The following FGD4 variants were observed in gnomAD, a reference collection of about 807,000 sequenced individuals.
The protein encoded by FGD4 is FYVE, RhoGEF and PH domain-containing protein 4.
Under a neutral mutation model 102.0 loss-of-function variants are expected in FGD4, and 42 were observed. The ratio of observed to expected loss-of-function variants is 0.41; its 90% CI spans 0.32 to 0.53. The LOEUF is 0.53. Among genes scored for constraint, FGD4 ranks in the 20% least tolerant of loss-of-function variants. FGD4 has a pLI of 0.21. For missense variants in FGD4, 902 were observed against 1,078.2 expected (o/e 0.84, Z 2.29); for synonymous variants, 380 against 375.7 (o/e 1.01, Z -0.13).
rs190475154 is a variant in FGD4, at chr12:32,444,753, T to C, written c.166+44794T>C. On this transcript the variant is annotated intron_variant, in intron 1 of 16. Transcript: ENST00000534526. Reference sequence around the variant, plus strand: ...TTTTCTCCTTTCAAAAAGTGCTTAATTGTGGCAAGGTGAGACCTGAGGTGA... The same window carrying C: ...TTTTCTCCTTTCAAAAAGTGCTTAACTGTGGCAAGGTGAGACCTGAGGTGA... Among the ~76,000 whole-genome samples the C allele has an allele frequency of 5.3e-5, 8 of 152,276 alleles. No individual in the cohort carries two copies. The East Asian group carries it at 1.5e-3, about 29-fold the overall frequency.
intron 1 of FGD4, chr12:32,534,499 G>T (rs1565812959): frequency 6.8e-7 from 1 of 1,480,196 alleles, no homozygotes; most frequent in East Asian, 2.5e-5. Flanking sequence ...ACTGATCAAG[G>T]TAAGTGGTTT....
intron 1 of FGD4, among the ~76,000 whole-genome samples, chr12:32,460,739 AT>A (rs1336460239): frequency 1.3e-5 from 2 of 152,158 alleles, no homozygotes; most frequent in Non-Finnish European, 2.9e-5. Flanking sequence ...TGATTATATG[AT>A]TTCCTTTGCA....
chr12:32,563,753 C>A (rs1465539110), intron 1 of FGD4, among the ~76,000 whole-genome samples: 1 of 152,208 alleles, frequency 6.6e-6, no homozygotes, highest in Non-Finnish European at 1.5e-5. Flanking sequence ...AATCCCGGCA[C>A]CTCGGGAGGC....
Position 32,568,938 on chromosome 12 carries a change from C to A in FGD4, c.319+4649C>A, listed in dbSNP as rs150946706. Among the ~76,000 whole-genome samples, 254 of 152,174 alleles carry A rather than the reference C, an allele frequency of 1.7e-3. 1 individual carries two copies. Among genetic ancestry groups the A allele is most frequent in the African/African-American group, 5.3e-3 (220 of 41,512 alleles). On this transcript the variant is annotated intron_variant, in intron 2 of 16. Coordinates refer to ENST00000534526, the MANE Select transcript of FGD4 (RefSeq NM_001370298.3). The stretch of plus-strand genomic sequence containing the variant: ...TAATAAAACCCATCTTATTTACAGT[C>A]TGATAGAGATCTCAAATTTAGTGTA...
intron 3 of FGD4, 74 bp from the exon 4 acceptor site, chr12:32,581,886 G>A: frequency 1.3e-6 from 2 of 1,536,968 alleles, no homozygotes; most frequent in Non-Finnish European, 1.8e-6. Context: ...CTTTTCAACT[G>A]GAATAAACTT....
At chr12:32,501,425 G>A (rs1938208914) in intron 1 of FGD4, among the ~76,000 whole-genome samples, 1 of 152,148 alleles carries the variant, frequency 6.6e-6, no homozygotes, top group African/African-American at 2.4e-5. Context: ...ACCAGGGTGT[G>A]GGCAACTGTT....
chr12:32,416,548 C>T (rs1019021279), intron 1 of FGD4, among the ~76,000 whole-genome samples: 5 of 152,104 alleles, frequency 3.3e-5, no homozygotes, highest in African/African-American at 1.2e-4. Flanking sequence ...TAAAACACAA[C>T]AATTAGTATT....
At chr12:32,639,041 G>A in intron 16 of FGD4, 7 of 1,076,254 alleles carry the variant, frequency 6.5e-6, no homozygotes, top group Non-Finnish European at 8.6e-6. Context: ...TTTGAGAAAA[G>A]ATGAGTTGAA....
Position 32,641,803 on chromosome 12 carries a change from G to A in FGD4, c.*1270G>A, listed in dbSNP as rs1250608705. The A allele has an allele frequency of 6.6e-6, 1 of 152,116 alleles. No homozygotes were observed. Among genetic ancestry groups the A allele is most frequent in the East Asian group, 1.9e-4 (1 of 5,202 alleles). The allele number at this position is 152,116 out of a possible 1,614,324, so 9.4% of individuals were successfully genotyped here. A position where few individuals can be genotyped will look rare whatever the true frequency, so the allele number is the denominator to read the frequency against. ...ACATGTGATAACCTATGTTTGGGGT[G>A]GGGGCTGGTCACATGATTCCTTGTC... On this transcript the variant is annotated 3_prime_UTR_variant, in exon 17 of 17. Coordinates refer to ENST00000534526, the MANE Select transcript of FGD4 (RefSeq NM_001370298.3).
At chr12:32,621,589 A>G (rs769609601) in intron 11 of FGD4, among the ~76,000 whole-genome samples, 8 of 152,248 alleles carry the variant, frequency 5.3e-5, no homozygotes, top group Non-Finnish European at 1.0e-4. Context: ...ATCTGTGCCC[A>G]GGGAGTCCAA....
chr12:32,437,552 A>G (rs77526855), intron 1 of FGD4, among the ~76,000 whole-genome samples: 2 of 152,248 alleles, frequency 1.3e-5, no homozygotes, highest in African/African-American at 4.8e-5. Context: ...CTACACGGAT[A>G]TCCGTGGTAT....
At chr12:32,620,527 T>TTC (rs1949758738) in intron 11 of FGD4, among the ~76,000 whole-genome samples, 2 of 135,420 alleles carry the variant, frequency 1.5e-5, no homozygotes, top group African/African-American at 5.7e-5. Context: ...TTTCTTTTTT[T>TTC]TTTTTTTTTT....
rs191743783 is a variant in FGD4 at position 32,415,224 on chromosome 12, A to T, written c.166+15265A>T. On this transcript the variant is annotated intron_variant, in intron 1 of 16. Transcript: ENST00000534526. ...AACATGTCATCTGTCCTTGAGGATG[A>T]TCCATATGCTCAGGAGGATGTTCTG... Among the ~76,000 whole-genome samples the T allele has an allele frequency of 1.3e-3, 203 of 152,206 alleles. 2 individuals are homozygous for T. Among genetic ancestry groups the T allele is most frequent in the African/African-American group, 4.4e-3 (184 of 41,518 alleles).
intron 1 of FGD4, among the ~76,000 whole-genome samples, chr12:32,405,304 GGCTGGAGT>G (rs1364529930): frequency 7.3e-6 from 1 of 136,656 alleles, no homozygotes; most frequent in African/African-American, 2.8e-5. Context: ...CTCTTGTCCA[GGCTGGAGT>G]GCAATGGAGT....
chr12:32,640,487 C>T lies in FGD4; in HGVS notation c.2666C>T (p.Ala889Val), dbSNP rs2137094596. ...CCAGGTGGTCCAAATGAGCATCCAG[C>T]CACCTTGGATGATCATCCTGAACCT... Reference protein sequence around the residue: ...ETPGGPNEHPATLDDHPEPKK... With the variant: ...ETPGGPNEHPVTLDDHPEPKK... The change falls in exon 17 of 17, where the codon GCC becomes GTC. Residue 889 changes from alanine (A) to valine (V), a missense_variant. Transcript: ENST00000534526. 1.2e-6 allele frequency: 2 copies of T among 1,614,126 alleles called. No homozygotes were observed. The highest frequency in any genetic ancestry group is 1.7e-6 in the Non-Finnish European group (2 of 1,180,018).
intron 1 of FGD4, among the ~76,000 whole-genome samples, chr12:32,481,127 C>CAA (rs1157108520): frequency 0.088 from 2,413 of 27,318 alleles, 747 homozygotes; most frequent in African/African-American, 0.19. Flanking sequence ...GACTCCGTCT[C>CAA]AAAAAAAAAA....
At chr12:32,561,645 ATTT>A (rs1203198983) in intron 1 of FGD4, among the ~76,000 whole-genome samples, 4 of 152,186 alleles carry the variant, frequency 2.6e-5, no homozygotes, top group African/African-American at 9.7e-5. Flanking sequence ...TAGAAATTTT[ATTT>A]TCTCTGAAGC....
At chr12:32,593,999 G>T (rs979886033) in intron 4 of FGD4, among the ~76,000 whole-genome samples, 3 of 152,220 alleles carry the variant, frequency 2.0e-5, no homozygotes, top group Non-Finnish European at 4.4e-5. Flanking sequence ...CCAGGATCTG[G>T]TGGTAGGAGC....
At chr12:32,549,076 G>A (rs1943451942) in intron 1 of FGD4, among the ~76,000 whole-genome samples, 1 of 152,236 alleles carries the variant, frequency 6.6e-6, no homozygotes, top group South Asian at 2.1e-4. Context: ...AATATGTGGT[G>A]AAAAGGTTTT....
Sources: gnomAD v4.1 joint callset for allele counts (sites outside exome capture counted in the v4.1 genomes callset) on GRCh38, gnomAD v4.1.1 for gene constraint, MANE v1.5 for transcripts, NCBI Gene and HGNC (gene_info 2026-07-23, HGNC 2026-07-21) for gene names.